The following RGS7 variants were observed in gnomAD, a reference collection of about 807,000 sequenced individuals.
RGS7 encodes the protein regulator of G-protein signaling 7.
In RGS7, 27 loss-of-function variants were observed where a neutral mutation model predicts 81.1. That is an observed-to-expected ratio of 0.33 (90% CI 0.25 to 0.46). RGS7 has a LOEUF of 0.46. Among genes scored for constraint, RGS7 ranks in the 20% least tolerant of loss-of-function variants. The pLI, the probability that RGS7 is intolerant of heterozygous loss-of-function variation, is 1.00. For synonymous variants in RGS7, 208 were observed against 207.7 expected (o/e 1.00, Z -0.01); for missense variants, 396 against 607.4 (o/e 0.65, Z 3.66).
intron 4 of RGS7, among the ~76,000 whole-genome samples, chr1:240,977,541 C>A (rs1225703918): frequency 6.6e-6 from 1 of 152,162 alleles, no homozygotes; most frequent in Non-Finnish European, 1.5e-5. Flanking sequence ...ATGCCACAAA[C>A]AAATAATTGA....
At position 240,909,940 on chromosome 1, in the gene RGS7, G is replaced by A. The variant is rs377138363; in HGVS notation, c.385+20777C>T. Reference sequence around the variant, plus strand: ...CACCGAGCCACCTGGGTTTAGTTCGGTCACTTCCATAAGTGTATTTAGCAT... The same window carrying A: ...CACCGAGCCACCTGGGTTTAGTTCGATCACTTCCATAAGTGTATTTAGCAT... On this transcript the variant is annotated intron_variant, in intron 6 of 18. Coordinates refer to ENST00000440928, the MANE Select transcript of RGS7 (RefSeq NM_001364886.1). Among the ~76,000 whole-genome samples, 28 of 152,170 alleles carry A rather than the reference G, an allele frequency of 1.8e-4. 1 individual carries two copies. In the South Asian group the frequency reaches 5.8e-3, roughly 32 times the overall value.
At chr1:241,218,494 G>A (rs4660045) in intron 2 of RGS7, among the ~76,000 whole-genome samples, 19,544 of 152,046 alleles carry the variant, frequency 0.13, 1,804 homozygotes, top group East Asian at 0.4. Context: ...ATTTGATATC[G>A]GGTTCACTCG....
chr1:240,793,611 A>ATATATATATTTTTTTTTTTTT, intron 18 of RGS7, among the ~76,000 whole-genome samples: 2 of 78,812 alleles, frequency 2.5e-5, no homozygotes, highest in African/African-American at 1.9e-4. Context: ...ATATATATAT[A>ATATATATATTTTTTTTTTTTT]TTTTTTTTTT....
At chr1:241,228,427 TA>T (rs959137806) in intron 2 of RGS7, among the ~76,000 whole-genome samples, 9 of 151,642 alleles carry the variant, frequency 5.9e-5, no homozygotes, top group Admixed American at 2.0e-4. Context: ...TTGTTACACA[TA>T]AAAAAAATGA....
intron 9 of RGS7, among the ~76,000 whole-genome samples, chr1:240,853,632 G>A (rs1365070922): frequency 1.3e-5 from 2 of 152,058 alleles, no homozygotes; most frequent in Non-Finnish European, 2.9e-5. Flanking sequence ...CTGGCCGGGC[G>A]CAGTGACTCA....
At chr1:241,324,497 C>G (rs768459607) in intron 2 of RGS7, among the ~76,000 whole-genome samples, 11 of 152,194 alleles carry the variant, frequency 7.2e-5, no homozygotes, top group Non-Finnish European at 1.5e-4. Flanking sequence ...AGGGCCTCAT[C>G]ATTGAACTTT....
In RGS7 at chr1:240,868,157, A is replaced by AGAAAGAAAGAAAGAAC. The variant is rs1351638316; in HGVS notation, c.609+429_609+430insGTTCTTTCTTTCTTTC. Reference sequence around the variant, plus strand: ...AAGAAAGAAAGAAAGAAAGAAAGAAAGGACGGAGGGAGGGAAGGACGAAGG... The same window carrying AGAAAGAAAGAAAGAAC: ...AAGAAAGAAAGAAAGAAAGAAAGAAAGAAAGAAAGAAAGAACGGACGGAGGGAGGGAAGGACGAAGG... On this transcript the variant is annotated intron_variant, in intron 9 of 18. Coordinates refer to ENST00000440928, the MANE Select transcript of RGS7 (RefSeq NM_001364886.1). This position sits in a 1 kb window ranked among gnomAD's most constrained non-coding sequence, Gnocchi z 5.1. 6.6e-6 allele frequency among the ~76,000 whole-genome samples: 1 copy of AGAAAGAAAGAAAGAAC among 150,612 alleles called. No homozygotes were observed. Among genetic ancestry groups the AGAAAGAAAGAAAGAAC allele is most frequent in the Non-Finnish European group, 1.5e-5 (1 of 67,688 alleles).
intron 3 of RGS7, among the ~76,000 whole-genome samples, chr1:241,091,534 C>G (rs2063875305): frequency 6.9e-6 from 1 of 144,056 alleles, no homozygotes; most frequent in East Asian, 2.1e-4. Flanking sequence ...GGCGACAGAG[C>G]GAGACTCTGT....
intron 6 of RGS7, among the ~76,000 whole-genome samples, chr1:240,902,110 T>C (rs927433788): frequency 6.6e-6 from 1 of 152,220 alleles, no homozygotes; most frequent in East Asian, 1.9e-4. Flanking sequence ...ATTCAATCAA[T>C]TGGTAAGACA....
chr1:241,273,490 T>G (rs761402717), intron 2 of RGS7, among the ~76,000 whole-genome samples: 19 of 152,048 alleles, frequency 1.2e-4, no homozygotes, highest in Non-Finnish European at 2.6e-4. Flanking sequence ...TTTTTGTTCA[T>G]TTGTTTGTTT....
At chr1:241,083,559 G>A (rs1407353408) in intron 3 of RGS7, among the ~76,000 whole-genome samples, 3 of 152,166 alleles carry the variant, frequency 2.0e-5, no homozygotes, top group Non-Finnish European at 4.4e-5. Context: ...CAGAGAGGAT[G>A]TGTGAAGAAG....
At chr1:240,902,274 C>G (rs890268892) in intron 6 of RGS7, among the ~76,000 whole-genome samples, 22 of 152,312 alleles carry the variant, frequency 1.4e-4, no homozygotes, top group African/African-American at 5.3e-4. Context: ...AGAAGCATTA[C>G]AACTATTTAG....
chr1:241,219,796 C>T (rs928789880), intron 2 of RGS7, among the ~76,000 whole-genome samples: 10 of 152,286 alleles, frequency 6.6e-5, no homozygotes, highest in African/African-American at 2.4e-4. Context: ...TCTTTACTCA[C>T]ATTATGCCCC....
intron 2 of RGS7, among the ~76,000 whole-genome samples, chr1:241,186,818 C>T (rs1287826359): frequency 2.0e-5 from 3 of 152,044 alleles, no homozygotes; most frequent in Non-Finnish European, 4.4e-5. Flanking sequence ...TGAGCCACCG[C>T]GCCCGGCCAT....
At chr1:241,196,509 G>A (rs1573079384) in intron 2 of RGS7, among the ~76,000 whole-genome samples, 1 of 151,970 alleles carries the variant, frequency 6.6e-6, no homozygotes, top group Non-Finnish European at 1.5e-5. Context: ...ACCAGACAGT[G>A]CACACAAATA....
intron 2 of RGS7, 122 bp from the exon 3 acceptor site, chr1:241,098,884 T>C (rs1472951822): frequency 1.4e-6 from 1 of 714,918 alleles, no homozygotes; most frequent in African/African-American, 1.8e-5. Flanking sequence ...TATTCTTGCC[T>C]TTCTAGTTTT....
intron 6 of RGS7, among the ~76,000 whole-genome samples, chr1:240,871,441 C>T (rs1198148018): frequency 2.6e-5 from 4 of 152,284 alleles, no homozygotes; most frequent in African/African-American, 4.8e-5. Flanking sequence ...TGTAAGGTTT[C>T]CTGTATGAAA....
At chr1:241,320,600 C>T (rs981867581) in intron 2 of RGS7, among the ~76,000 whole-genome samples, 1 of 152,184 alleles carries the variant, frequency 6.6e-6, no homozygotes, top group Non-Finnish European at 1.5e-5. Flanking sequence ...TACATAAATT[C>T]AATCTATACA....
At chr1:241,262,925 G>A (rs558515098) in intron 2 of RGS7, among the ~76,000 whole-genome samples, 26 of 151,956 alleles carry the variant, frequency 1.7e-4, no homozygotes, top group Non-Finnish European at 3.4e-4. Context: ...ATGGTGAAAC[G>A]CCGTCTCTAC....
Sources: gnomAD v4.1 joint callset for allele counts (sites outside exome capture counted in the v4.1 genomes callset) on GRCh38, gnomAD v4.1.1 for gene constraint, Gnocchi (gnomAD v3.1) non-coding constraint, MANE v1.5 for transcripts, NCBI Gene and HGNC (gene_info 2026-07-23, HGNC 2026-07-21) for gene names.